Variants in FAP observed in about 807,000 individuals in gnomAD.
FAP encodes fibroblast activation protein alpha.
FAP carries 110 observed loss-of-function variants against 126.5 expected under a neutral mutation model. The ratio of observed to expected loss-of-function variants is 0.87; its 90% confidence interval spans 0.74 to 1.02. The LOEUF is 1.02. Ranked by LOEUF, FAP falls within the 50% of genes least tolerant of loss-of-function variation. The pLI is 0.00. For synonymous variants in FAP, 334 were observed against 297.3 expected, an observed-to-expected ratio of 1.12 and a Z score of -1.27; for missense variants, 919 against 909.2, an observed-to-expected ratio of 1.01 and a Z score of -0.14.
At chr2:162,190,699 G>A (rs1415551685) in intron 17 of FAP, among the ~76,000 whole-genome samples, 2 of 152,036 alleles carry the variant, frequency 1.3e-5, no homozygotes, top group Non-Finnish European at 2.9e-5. Flanking sequence ...AGAGGGGCTG[G>A]ATGACTTGTG....
chr2:162,196,105 G>A (rs761026891), intron 16 of FAP, among the ~76,000 whole-genome samples: 2 of 152,130 alleles, frequency 1.3e-5, no homozygotes, highest in Non-Finnish European at 2.9e-5. Context: ...GATGGTGGCT[G>A]CCCTGTCATA....
rs549404146 is a variant in FAP, at chr2:162,200,898, T to C, written c.1224-279A>G. On this transcript the variant is annotated intron_variant, in intron 14 of 25. Coordinates refer to ENST00000188790, the MANE Select transcript of FAP (RefSeq NM_004460.5). ...TGCAAAATCAACTAGGAAATTTTAT[T>C]AATATCATACCTTGACTTTTTTATG... Among the ~76,000 whole-genome samples the C allele has an allele frequency of 2.6e-5, 4 of 152,316 alleles. No individual in the cohort carries two copies. In the South Asian group the frequency reaches 6.2e-4, roughly 24 times the overall value.
At chr2:162,197,797 C>T (rs1688314549) in intron 16 of FAP, 2 of 357,544 alleles carry the variant, frequency 5.6e-6, no homozygotes, top group South Asian at 2.2e-5. Context: ...CCACATACCC[C>T]TACCAGGGGA....
At position 162,224,579 on chromosome 2, in the gene FAP, T is replaced by A. The variant is rs531942316; in HGVS notation, c.286-39A>T. On this transcript the variant is annotated intron_variant, in intron 4 of 25. Coordinates refer to ENST00000188790, the MANE Select transcript of FAP (RefSeq NM_004460.5). ...GAGGTTGATTAGAATACAGAAAAGATAACAAAGAACCATGTAAATTTGTAG... is the reference window on the plus strand; with the variant it reads ...GAGGTTGATTAGAATACAGAAAAGAAAACAAAGAACCATGTAAATTTGTAG... 1.0e-5 allele frequency: 13 copies of A among 1,253,494 alleles called. No homozygotes were observed. In the East Asian group the frequency reaches 3.1e-4, roughly 30 times the overall value. The allele number at this position is 1,253,494 out of a possible 1,614,324, so 77.6% of individuals were successfully genotyped here. A position where few individuals can be genotyped will look rare whatever the true frequency, so the allele number is the denominator to read the frequency against.
Position 162,198,799 on chromosome 2 carries a change from T to G in FAP, c.1360A>C (p.Ser454Arg). 2 of 1,614,138 alleles carry G rather than the reference T, an allele frequency of 1.2e-6. No homozygotes were observed. Among genetic ancestry groups the G allele is most frequent in the South Asian group, 2.2e-5 (2 of 91,086 alleles). The change falls in exon 16 of 26, where the codon AGT becomes CGT. Residue 454 changes from serine to arginine, a missense_variant. Transcript: ENST00000188790. Reference protein sequence around the residue: ...RKERCQYYTASFSDYAKYYAL... With the variant: ...RKERCQYYTARFSDYAKYYAL... The stretch of plus-strand genomic sequence containing the variant: ...TAGTACTTGGCGTAGTCGCTGAAAC[T>G]TGCTGTGTAATATTGGCACCTTTCT...
At position 162,219,852 on chromosome 2, in the gene FAP, C is replaced by T. The variant is rs181419288; in HGVS notation, c.486+1G>A. 4 of 1,601,736 alleles carry T rather than the reference C, an allele frequency of 2.5e-6. No individual in the cohort carries two copies. ...AACACTTCAAAAATTTAAACACTTA[C>T]TAATTTACTCCCAACAGGCGACCAG... On this transcript the variant is annotated splice_donor_variant, in intron 7 of 25. Transcript: ENST00000188790. LOFTEE classifies it high-confidence loss of function.
In FAP at chr2:162,197,506, A is replaced by G. The variant is rs1327318273; in HGVS notation, c.1402+1251T>C. ...TCAGCACATATGGTCATGAACAACAATCTCTTGACATTTCAAAGATGCCAT... is the reference window on the plus strand; with the variant it reads ...TCAGCACATATGGTCATGAACAACAGTCTCTTGACATTTCAAAGATGCCAT... On this transcript the variant is annotated intron_variant, in intron 16 of 25. Coordinates refer to ENST00000188790, the MANE Select transcript of FAP (RefSeq NM_004460.5). The G allele has an allele frequency of 3.5e-5, 16 of 456,006 alleles. No homozygotes were observed. In the East Asian group the frequency reaches 9.0e-4, roughly 26 times the overall value. The allele number at this position is 456,006 out of a possible 1,614,324, so 28.2% of individuals were successfully genotyped here.
chr2:162,237,883 C>T lies in FAP; in HGVS notation c.91+5025G>A, dbSNP rs139374586. ...TGTTGTTTCCTAACTTTTTAATGAT[C>T]ACCATTCTAACTGGCATGAGATGGT... On this transcript the variant is annotated intron_variant, in intron 2 of 25. Transcript: ENST00000188790. Among the ~76,000 whole-genome samples the T allele has an allele frequency of 3.1e-3, 472 of 152,234 alleles. 3 individuals are homozygous for T. Among genetic ancestry groups the T allele is most frequent in the African/African-American group, 0.011 (442 of 41,534 alleles).
chr2:162,193,726 A>G (rs1271689612), intron 17 of FAP: 2 of 152,160 alleles, frequency 1.3e-5, no homozygotes, highest in Non-Finnish European at 2.9e-5. Context: ...CAGTCCCATT[A>G]TCACAATGCC....
Position 162,202,900 on chromosome 2 carries a change from T to A in FAP, c.1195A>T (p.Asn399Tyr). Reference protein sequence around the residue: ...QITSGKWEAINIFRVTQDSLF... With the variant: ...QITSGKWEAIYIFRVTQDSLF... ...GAATCCTGTGTTACTCTGAATATATTTATGGCCTCCCACTTGCCACTTGTA... is the reference window on the plus strand; with the variant it reads ...GAATCCTGTGTTACTCTGAATATATATATGGCCTCCCACTTGCCACTTGTA... Residue 399 changes from asparagine (N) to tyrosine (Y), a missense_variant, in exon 14 of 26, where the codon AAT becomes TAT. Transcript: ENST00000188790. 1 of 1,613,788 alleles carries A rather than the reference T, an allele frequency of 6.2e-7. No individual in the cohort carries two copies. The highest frequency in any genetic ancestry group is 8.5e-7 in the Non-Finnish European group (1 of 1,179,692).
chr2:162,231,908 A>C (rs1689916099), intron 2 of FAP, among the ~76,000 whole-genome samples: 1 of 152,158 alleles, frequency 6.6e-6, no homozygotes, highest in African/African-American at 2.4e-5. Flanking sequence ...TTTGCACTTG[A>C]TTTGTAATTG....
chr2:162,173,319 TA>T, intron 23 of FAP, 98 bp from the exon 24 acceptor site: 1 of 831,904 alleles, frequency 1.2e-6, no homozygotes, highest in Non-Finnish European at 2.1e-6. Context: ...ATACTGAAAT[TA>T]TGTATTGCTT....
chr2:162,217,930 C>A, intron 9 of FAP, 56 bp downstream of exon 9: 1 of 1,389,900 alleles, frequency 7.2e-7, no homozygotes, highest in Non-Finnish European at 9.8e-7. Flanking sequence ...CATGGTAAAT[C>A]ATTGCTCATT....
intron 12 of FAP, among the ~76,000 whole-genome samples, chr2:162,207,862 C>T (rs1338022844): frequency 6.6e-6 from 1 of 151,778 alleles, no homozygotes; most frequent in Non-Finnish European, 1.5e-5. Context: ...AGGCGCCCGC[C>T]ACCATGCCCG....
chr2:162,232,169 G>A (rs945590780), intron 2 of FAP, among the ~76,000 whole-genome samples: 12 of 152,262 alleles, frequency 7.9e-5, no homozygotes, highest in African/African-American at 2.2e-4. Flanking sequence ...AAAAGTACAT[G>A]AGGTGGCTTT....
Position 162,218,121 on chromosome 2 carries a change from T to G in FAP, c.627A>C (p.Lys209Asn). ...CATTAGGAGACCACCAGAGAGCATA[T>G]TTTGTAGCAAGCATTTCCTCTGAAA... ...WVYEEEMLAT[K>N]YALWWSPNGK... The change falls in exon 9 of 26, where the codon AAA becomes AAC. Residue 209 changes from lysine to asparagine, a missense_variant. Coordinates refer to ENST00000188790, the MANE Select transcript of FAP (RefSeq NM_004460.5). 6.2e-7 allele frequency: 1 copy of G among 1,604,590 alleles called. No individual in the cohort carries two copies. Among genetic ancestry groups the G allele is most frequent in the Non-Finnish European group, 8.5e-7 (1 of 1,176,048 alleles).
rs1397255776 is a variant in FAP, at chr2:162,239,801, T to C, written c.91+3107A>G. On this transcript the variant is annotated intron_variant, in intron 2 of 25. Coordinates refer to ENST00000188790, the MANE Select transcript of FAP (RefSeq NM_004460.5). ...CAAAAGAATCTGAAACGAGGTCAAA[T>C]AGTTCCTATGATTTCTTTCTATAAG... Among the ~76,000 whole-genome samples, 4 of 152,330 alleles carry C rather than the reference T, an allele frequency of 2.6e-5. No individual in the cohort carries two copies. In the East Asian group the frequency reaches 7.7e-4, roughly 29 times the overall value.
At chr2:162,180,613 T>A (rs1258310492) in intron 21 of FAP, among the ~76,000 whole-genome samples, 3 of 152,146 alleles carry the variant, frequency 2.0e-5, no homozygotes, top group African/African-American at 7.2e-5. Flanking sequence ...AAGGTAGAAT[T>A]GACAGAACTT....
At chr2:162,171,481 A>G (rs1687301073) in intron 25 of FAP, 1 of 169,042 alleles carries the variant, frequency 5.9e-6, no homozygotes, top group Non-Finnish European at 1.3e-5. Flanking sequence ...CAAAAATTCC[A>G]TGAGGCTTTC....
Sources: gnomAD v4.1 joint callset for allele counts (sites outside exome capture counted in the v4.1 genomes callset) on GRCh38, gnomAD v4.1.1 for gene constraint, MANE v1.5 for transcripts, NCBI Gene and HGNC (gene_info 2026-07-23, HGNC 2026-07-21) for gene names.